Variants in TEC observed in about 807,000 individuals in gnomAD.
TEC encodes the protein tec protein tyrosine kinase.
In TEC, 72 loss-of-function variants were observed where a neutral mutation model predicts 93.0. The observed-to-expected ratio is 0.77, with a 90% CI of 0.64 to 0.94. The LOEUF is 0.94. Ranked by LOEUF, TEC falls within the 40% of genes least tolerant of loss-of-function variation. TEC has a pLI of 0.00. For synonymous variants in TEC, 249 were observed against 247.7 expected (o/e 1.01, Z -0.05); for missense variants, 630 against 757.9 (o/e 0.83, Z 1.98).
Position 48,145,455 on chromosome 4 carries a change from T to G in TEC, c.1206A>C (p.Glu402Asp). 6.2e-7 allele frequency: 1 copy of G among 1,614,174 alleles called. No homozygotes were observed. Among genetic ancestry groups the G allele is most frequent in the Non-Finnish European group, 8.5e-7 (1 of 1,180,022 alleles). ...TAAAGTCCTCCTCGCACATTGCACCTTCCCGAATAGCTTTGATTGCGACTT... is the reference window on the plus strand; with the variant it reads ...TAAAGTCCTCCTCGCACATTGCACCGTCCCGAATAGCTTTGATTGCGACTT... ...QYKVAIKAIR[E>D]GAMCEEDFIE... The change falls in exon 13 of 18, where the codon GAA (glutamate) becomes GAC (aspartate). Residue 402 changes from glutamate to aspartate, a missense_variant. By Grantham distance (45) the Glu-to-Asp change is conservative. Around this residue, in one of 3 missense-constraint regions of TEC, gnomAD observed 289 missense variants for 390.0 expected, o/e 0.74. Coordinates refer to ENST00000381501, the MANE Select transcript of TEC (RefSeq NM_003215.3).
intron 1 of TEC, among the ~76,000 whole-genome samples, chr4:48,245,317 A>G (rs1040701193): frequency 6.6e-5 from 10 of 151,528 alleles, no homozygotes; most frequent in Non-Finnish European, 1.5e-4. Context: ...AAAATTAAAC[A>G]TTGACTATAA....
chr4:48,159,627 C>G (rs1371579325), intron 8 of TEC, among the ~76,000 whole-genome samples: 5 of 150,870 alleles, frequency 3.3e-5, no homozygotes, highest in Admixed American at 3.3e-4. Context: ...GCAATCTTGG[C>G]AACCTGCCCC....
chr4:48,150,146 T>C lies in TEC; in HGVS notation c.873-456A>G, dbSNP rs183572055. 3.6e-3 allele frequency among the ~76,000 whole-genome samples: 550 copies of C among 152,294 alleles called. 1 individual carries two copies. The highest frequency in any genetic ancestry group is 6.0e-3 in the Non-Finnish European group (409 of 68,016). On this transcript the variant is annotated intron_variant, in intron 10 of 17. Transcript: ENST00000381501. ...AAAAATACTTTCAAGATGACTCCTG[T>C]TGCTCTTAGGGTAAAGCTCAGAGTC...
At chr4:48,138,847 AT>A in intron 16 of TEC, 25 bp from the exon 17 acceptor site, 1 of 1,613,452 alleles carries the variant, frequency 6.2e-7, no homozygotes, top group East Asian at 2.2e-5. Context: ...GGATTACCAA[AT>A]GGATGTATCC....
chr4:48,207,003 G>A (rs574749969), intron 2 of TEC, among the ~76,000 whole-genome samples: 61 of 152,080 alleles, frequency 4.0e-4, no homozygotes, highest in African/African-American at 1.4e-3. Context: ...AATAAAGAAC[G>A]AGGGGCAAGG....
rs147815970 is a variant in TEC at position 48,225,386 on chromosome 4, A to G, written c.138+3091T>C. Among the ~76,000 whole-genome samples the G allele has an allele frequency of 3.7e-3, 561 of 152,302 alleles. 2 individuals carry two copies. Among genetic ancestry groups the G allele is most frequent in the African/African-American group, 0.012 (492 of 41,556 alleles). The stretch of plus-strand genomic sequence containing the variant: ...GAGACGGGGTTTCACCATGTTGGCC[A>G]GGCTGATCTCAAACTCCTCACCTCA... On this transcript the variant is annotated intron_variant, in intron 2 of 17. Coordinates refer to ENST00000381501, the MANE Select transcript of TEC (RefSeq NM_003215.3).
chr4:48,250,930 G>A (rs772117859), intron 1 of TEC, among the ~76,000 whole-genome samples: 1 of 152,146 alleles, frequency 6.6e-6, no homozygotes, highest in African/African-American at 2.4e-5. Context: ...TTGTTACACA[G>A]GATTACTGTG....
At position 48,187,314 on chromosome 4, in the gene TEC, G is replaced by A. The variant is rs577210535; in HGVS notation, c.139-11128C>T. On this transcript the variant is annotated intron_variant, in intron 2 of 17. Coordinates refer to ENST00000381501, the MANE Select transcript of TEC (RefSeq NM_003215.3). ...ATTGCGGAAGGCCGCAGGGTCCTCT[G>A]TCTAGGAAAACCAGAGACCCTTGTT... Among the ~76,000 whole-genome samples, 5 of 152,030 alleles carry A rather than the reference G, an allele frequency of 3.3e-5. No homozygotes were observed. In the East Asian group the frequency reaches 9.7e-4, roughly 29 times the overall value.
chr4:48,186,611 C>T (rs1036696491), intron 2 of TEC, among the ~76,000 whole-genome samples: 1 of 151,766 alleles, frequency 6.6e-6, no homozygotes, highest in African/African-American at 2.4e-5. Context: ...AGGAGCCCCT[C>T]TGCCCAGCAG....
intron 2 of TEC, among the ~76,000 whole-genome samples, chr4:48,216,245 A>G (rs1239635895): frequency 4.5e-5 from 2 of 44,778 alleles, no homozygotes; most frequent in Admixed American, 2.5e-4. Flanking sequence ...ACGCCCCAGG[A>G]AAAAAAAAAA....
At chr4:48,171,525 A>G (rs1721111547) in intron 3 of TEC, 76 bp from the exon 4 acceptor site, 4 of 1,056,392 alleles carry the variant, frequency 3.8e-6, no homozygotes, top group Non-Finnish European at 5.5e-6. Flanking sequence ...AACCCTTGGT[A>G]CTACAGACAC....
rs1349167433 is a variant in TEC, at chr4:48,161,155, C to T, written c.737+2547G>A. Among the ~76,000 whole-genome samples, 3 of 152,090 alleles carry T rather than the reference C, an allele frequency of 2.0e-5. No homozygotes were observed. The South Asian group carries it at 6.2e-4, about 32-fold the overall frequency. ...GAAAGGTCAGACCCTTGCCAAGCTT[C>T]TTGGTGAGAATGGGTGAGAATAAAT... is the stretch of plus-strand genomic sequence containing the variant. On this transcript the variant is annotated intron_variant, in intron 8 of 17. Transcript: ENST00000381501.
intron 7 of TEC, among the ~76,000 whole-genome samples, chr4:48,165,230 C>T (rs1294462847): frequency 2.6e-5 from 4 of 152,100 alleles, no homozygotes; most frequent in Non-Finnish European, 5.9e-5. Context: ...ATATAAGTAT[C>T]CATAATAACA....
chr4:48,244,437 T>G (rs1314489673), intron 1 of TEC, among the ~76,000 whole-genome samples: 1 of 152,172 alleles, frequency 6.6e-6, no homozygotes, highest in Non-Finnish European at 1.5e-5. Flanking sequence ...AACTCCCCTT[T>G]TATAATCATC....
Position 48,228,615 on chromosome 4 carries a change from C to T in TEC, c.-1G>A, listed in dbSNP as rs1290124439. The T allele has an allele frequency of 6.2e-7, 1 of 1,611,694 alleles. No individual in the cohort carries two copies. Among genetic ancestry groups the T allele is most frequent in the African/African-American group, 1.3e-5 (1 of 74,782 alleles). On this transcript the variant is annotated 5_prime_UTR_variant, in exon 2 of 18. Coordinates refer to ENST00000381501, the MANE Select transcript of TEC (RefSeq NM_003215.3). ...CCTCCAAAATAGTGTTAAAATTCAT[C>T]TCCGTCTTCTGATTACTCCTCCTGC...
At chr4:48,141,114 T>C (rs1194647467) in intron 15 of TEC, among the ~76,000 whole-genome samples, 3 of 152,184 alleles carry the variant, frequency 2.0e-5, no homozygotes, top group Admixed American at 6.5e-5. Context: ...CCACCAAATA[T>C]GTTTTTGTGA....
intron 7 of TEC, among the ~76,000 whole-genome samples, chr4:48,166,954 G>A (rs1265455205): frequency 6.6e-6 from 1 of 151,800 alleles, no homozygotes; most frequent in Non-Finnish European, 1.5e-5. Flanking sequence ...GGGGCTGGGA[G>A]GTGAGAGGGC....
At chr4:48,256,858 C>G (rs1275927856) in intron 1 of TEC, among the ~76,000 whole-genome samples, 1 of 152,076 alleles carries the variant, frequency 6.6e-6, no homozygotes, top group Non-Finnish European at 1.5e-5. Flanking sequence ...TCTAGGAGTC[C>G]CCGGTCCTTA....
chr4:48,248,412 A>G (rs1724115615), intron 1 of TEC, among the ~76,000 whole-genome samples: 1 of 152,170 alleles, frequency 6.6e-6, no homozygotes, highest in South Asian at 2.1e-4. Context: ...AAGAGAGAGC[A>G]CGCACCCAGT....
Sources: gnomAD v4.1 joint callset for allele counts (sites outside exome capture counted in the v4.1 genomes callset) on GRCh38, gnomAD v4.1.1 for gene constraint, gnomAD v4.1.1 regional missense constraint, MANE v1.5 for transcripts, NCBI Gene and HGNC (gene_info 2026-07-23, HGNC 2026-07-21) for gene names.